Variants in PHIP observed in about 807,000 individuals in gnomAD.
The protein encoded by PHIP is PH-interacting protein.
Under a neutral mutation model 236.8 loss-of-function variants are expected in PHIP, and 54 were observed. The observed-to-expected ratio is 0.23, with a 90% confidence interval of 0.18 to 0.29. The LOEUF is 0.29. Ranked by LOEUF, PHIP falls within the 10% of genes least tolerant of loss-of-function variation. The probability of loss-of-function intolerance (pLI) is 1.00; values close to 1 mark genes in which losing one functional copy is unlikely to be tolerated. For synonymous variants in PHIP, 756 were observed against 718.9 expected, an observed-to-expected ratio of 1.05 and a Z score of -0.83; for missense variants, 1,370 against 2,190.8, an observed-to-expected ratio of 0.63 and a Z score of 7.48.
Position 79,077,692 on chromosome 6 carries a change from G to A in PHIP, c.129+8C>T, listed in dbSNP as rs1390995888. On this transcript the variant is annotated splice_region_variant and intron_variant, in intron 3 of 39. Transcript: ENST00000275034. ...CGGCGGGACGCGCCGGGCCGCCGCC[G>A]CCCTTACCTCCTTCTCGGCCACCTC... 7 of 987,790 alleles carry A rather than the reference G, an allele frequency of 7.1e-6. No individual in the cohort carries two copies. The highest frequency in any genetic ancestry group is 4.1e-5 in the South Asian group (1 of 24,414). 61.2% of individuals were successfully genotyped at this position (987,790 alleles called of 1,614,324 possible). A position where few individuals can be genotyped will look rare whatever the true frequency, so the allele number is the denominator to read the frequency against.
intron 34 of PHIP, 48 bp from the exon 35 acceptor site, chr6:78,955,011 T>A: frequency 7.4e-7 from 1 of 1,352,972 alleles, no homozygotes; most frequent in Non-Finnish European, 1.0e-6. Context: ...ACTTACACAA[T>A]AAAATTTGTA....
chr6:78,987,157 G>A (rs757481085), intron 21 of PHIP, among the ~76,000 whole-genome samples: 1 of 152,038 alleles, frequency 6.6e-6, no homozygotes, highest in African/African-American at 2.4e-5. Context: ...TGTTGTAACA[G>A]ATGTGTTTCT....
At chr6:78,948,945 T>C (rs1245279445) in intron 35 of PHIP, among the ~76,000 whole-genome samples, 1 of 152,224 alleles carries the variant, frequency 6.6e-6, no homozygotes, top group Non-Finnish European at 1.5e-5. Context: ...CAAATTTTTA[T>C]TTCTTCCTTT....
chr6:79,045,112 T>C (rs1263402031), intron 6 of PHIP, among the ~76,000 whole-genome samples: 2 of 152,170 alleles, frequency 1.3e-5, no homozygotes, highest in Non-Finnish European at 2.9e-5. Context: ...TGGCTATCTA[T>C]ACTATGACTA....
intron 19 of PHIP, among the ~76,000 whole-genome samples, chr6:78,994,549 C>T (rs1026760535): frequency 6.6e-6 from 1 of 151,704 alleles, no homozygotes; most frequent in Non-Finnish European, 1.5e-5. Context: ...TGCACTCCAG[C>T]CTGGGCAACA....
At chr6:79,019,209 C>T (rs368396114) in intron 9 of PHIP, 50 bp from the exon 10 acceptor site, 3 of 1,290,076 alleles carry the variant, frequency 2.3e-6, no homozygotes, top group East Asian at 2.3e-5. Flanking sequence ...GAACCAGTAG[C>T]AGCAGAAATA....
chr6:78,943,104 T>C (rs1322882183), intron 39 of PHIP, among the ~76,000 whole-genome samples: 1 of 152,148 alleles, frequency 6.6e-6, no homozygotes, highest in Non-Finnish European at 1.5e-5. Context: ...ATTTTGGATA[T>C]AATGGGATAA....
At chr6:78,989,100 A>AT (rs386359147) in intron 20 of PHIP, among the ~76,000 whole-genome samples, 1 of 151,636 alleles carries the variant, frequency 6.6e-6, no homozygotes, top group Non-Finnish European at 1.5e-5. Context: ...AACACAAAAA[A>AT]CTTAATAAAG....
Position 78,969,869 on chromosome 6 carries a change from T to C in PHIP, c.3171A>G (p.Gln1057=), listed in dbSNP as rs751576913. The C allele has an allele frequency of 1.2e-5, 19 of 1,595,192 alleles. No individual in the cohort carries two copies. The highest frequency in any genetic ancestry group is 3.4e-5 in the Admixed American group (2 of 59,184). The change falls in exon 27 of 40, where the codon CAA becomes CAG. Residue 1057 remains glutamine (Q), a synonymous_variant. Coordinates refer to ENST00000275034, the MANE Select transcript of PHIP (RefSeq NM_017934.7). ...DVIDFLVLRQ[Q]FDDAKYRRWN... ...ATCGCCTGTATTTTGCATCATCAAA[T>C]TGTTGTCTCAAGACTAGGAAATCTA...
At chr6:79,047,675 A>G (rs1280267254) in intron 6 of PHIP, among the ~76,000 whole-genome samples, 1 of 152,138 alleles carries the variant, frequency 6.6e-6, no homozygotes, top group Non-Finnish European at 1.5e-5. Context: ...CCTGGCTTTC[A>G]TATTATGCTG....
chr6:78,981,824 T>A (rs1449098472), intron 23 of PHIP, among the ~76,000 whole-genome samples: 1 of 151,900 alleles, frequency 6.6e-6, no homozygotes, highest in Non-Finnish European at 1.5e-5. Context: ...ACTGACAAGG[T>A]AGAAAAGAAA....
intron 31 of PHIP, among the ~76,000 whole-genome samples, chr6:78,960,195 T>C (rs1242706268): frequency 6.6e-6 from 1 of 152,188 alleles, no homozygotes; most frequent in Non-Finnish European, 1.5e-5. Flanking sequence ...AGTCAAACCA[T>C]TGTAAGTCAA....
chr6:78,971,847 A>G (rs1017842389), intron 24 of PHIP, among the ~76,000 whole-genome samples: 2 of 152,166 alleles, frequency 1.3e-5, no homozygotes, highest in African/African-American at 2.4e-5. Context: ...GCACCACGAA[A>G]TTATATCCCG....
At chr6:78,950,000 T>TA in intron 35 of PHIP, among the ~76,000 whole-genome samples, 1 of 151,944 alleles carries the variant, frequency 6.6e-6, no homozygotes, top group Non-Finnish European at 1.5e-5. Flanking sequence ...GGGACTCGAG[T>TA]ATAATAAACT....
chr6:79,076,962 T>C (rs2127783875), intron 4 of PHIP, among the ~76,000 whole-genome samples: 1 of 152,324 alleles, frequency 6.6e-6, no homozygotes. Context: ...CCGCAGCGGC[T>C]GGATAGCCTG....
chr6:79,062,365 GTTTTT>G (rs1287477770), intron 4 of PHIP, among the ~76,000 whole-genome samples: 3 of 152,090 alleles, frequency 2.0e-5, no homozygotes, highest in Non-Finnish European at 4.4e-5. Context: ...ACCAAAATGA[GTTTTT>G]AAAATCGTAT....
intron 15 of PHIP, among the ~76,000 whole-genome samples, chr6:79,013,190 C>T (rs1770678817): frequency 6.6e-6 from 1 of 151,688 alleles, no homozygotes; most frequent in Non-Finnish European, 1.5e-5. Context: ...GATCATCTTA[C>T]AAGGTTTTCA....
chr6:79,005,649 C>G (rs1361369863), intron 15 of PHIP, among the ~76,000 whole-genome samples: 1 of 151,894 alleles, frequency 6.6e-6, no homozygotes, highest in African/African-American at 2.4e-5. Context: ...TATAAATCTA[C>G]TCTAATAAAT....
intron 35 of PHIP, among the ~76,000 whole-genome samples, chr6:78,954,139 T>C (rs1766244351): frequency 6.6e-6 from 1 of 152,192 alleles, no homozygotes; most frequent in African/African-American, 2.4e-5. Flanking sequence ...TCTTGCTCTG[T>C]CGCCCAGGCT....
Sources: allele counts gnomAD v4.1 joint callset (sites outside exome capture counted in the v4.1 genomes callset), GRCh38; gene constraint gnomAD v4.1.1; transcripts MANE v1.5; gene names NCBI Gene and HGNC (gene_info 2026-07-23, HGNC 2026-07-21).